Variants in OR4M1 observed in about 807,000 individuals in gnomAD.
The protein encoded by OR4M1 is olfactory receptor family 4 subfamily M member 1.
In OR4M1, 7 loss-of-function variants were observed where a neutral mutation model predicts 9.8. That is an observed-to-expected ratio of 0.71 (90% confidence interval 0.41 to 1.34). The LOEUF is 1.34. Ranked by LOEUF, OR4M1 falls within the 40% of genes most tolerant of loss-of-function variation. The pLI is 0.01. For synonymous variants in OR4M1, 121 were observed against 139.8 expected, an observed-to-expected ratio of 0.87 and a Z score of 0.95; for missense variants, 331 against 380.4, an observed-to-expected ratio of 0.87 and a Z score of 1.08.
At chr14:19,778,416 C>T (rs1323345195) in intron 1 of OR4M1, among the ~76,000 whole-genome samples, 5 of 152,188 alleles carry the variant, frequency 3.3e-5, no homozygotes, top group Non-Finnish European at 5.9e-5. Context: ...AGCATATGAT[C>T]TTGTAATGGT....
At position 19,780,308 on chromosome 14, in the gene OR4M1, G is replaced by T. The variant is rs772305429; in HGVS notation, c.-15G>T. The T allele has an allele frequency of 6.3e-7, 1 of 1,592,382 alleles. No homozygotes were observed. The highest frequency in any genetic ancestry group is 1.8e-5 in the Admixed American group (1 of 56,040). On this transcript the variant is annotated 5_prime_UTR_variant, in exon 2 of 2. Coordinates refer to ENST00000641200, the MANE Select transcript of OR4M1 (RefSeq NM_001005500.2). ...AATTTTCATAGTTATATTATGAAAA[G>T]AGTAAATTGAAGAAATGGAAACTGC...
chr14:19,779,966 G>A (rs1262532414), intron 1 of OR4M1, among the ~76,000 whole-genome samples: 1 of 152,234 alleles, frequency 6.6e-6, no homozygotes, highest in East Asian at 1.9e-4. Context: ...GCTACACTCA[G>A]AAGTAGCTTC....
intron 1 of OR4M1, among the ~76,000 whole-genome samples, chr14:19,778,661 G>GCCCT (rs367612982): frequency 1.4e-4 from 22 of 152,174 alleles, no homozygotes; most frequent in African/African-American, 5.1e-4. Flanking sequence ...ACTAGCTCAA[G>GCCCT]CCCTCATAAC....
At chr14:19,778,501 T>G (rs116276016) in intron 1 of OR4M1, among the ~76,000 whole-genome samples, 4,107 of 151,890 alleles carry the variant, frequency 0.027, 106 homozygotes, top group East Asian at 0.15. Context: ...AATAATCACT[T>G]CCATCTGGTC....
Position 19,780,785 on chromosome 14 carries a change from C to G in OR4M1, c.463C>G (p.His155Asp), listed in dbSNP as rs781072254. Residue 155 changes from histidine (H) to aspartate (D), a missense_variant, in exon 2 of 2, where the codon CAT (histidine) becomes GAT (aspartate). By Grantham distance (81) the His-to-Asp change is moderately conservative. This residue lies in a region of OR4M1 where 209 missense variants were observed against 200.0 expected (regional missense o/e 1.04). Transcript: ENST00000641200. ...TCTCTCCTGGATGGGGGGCTTCATT[C>G]ATTCTATAATACAGGTGGCTCTCAT... ...VALSWMGGFI[H>D]SIIQVALIVR... is the part of the protein sequence containing the mutation. 6.2e-7 allele frequency: 1 copy of G among 1,614,220 alleles called. No homozygotes were observed. Among genetic ancestry groups the G allele is most frequent in the South Asian group, 1.1e-5 (1 of 91,090 alleles).
chr14:19,777,208 C>T (rs1276669692), intron 1 of OR4M1, among the ~76,000 whole-genome samples: 2 of 150,920 alleles, frequency 1.3e-5, no homozygotes, highest in African/African-American at 4.8e-5. Context: ...TTATTGTGGG[C>T]TACATTACTT....
chr14:19,780,453 T>C lies in OR4M1; in HGVS notation c.131T>C (p.Leu44Pro). Residue 44 changes from leucine to proline, a missense_variant, in exon 2 of 2, where the codon CTT (leucine) becomes CCT (proline). Transcript: ENST00000641200. ...TTGTTCATCCTACCAGGAAATATCC[T>C]TATCATTTGCACCATCAGGCTAGAC... ...FYLFILPGNI[L>P]IICTIRLDPH... The C allele has an allele frequency of 6.2e-7, 1 of 1,614,170 alleles. No individual in the cohort carries two copies. The highest frequency in any genetic ancestry group is 1.1e-5 in the South Asian group (1 of 91,084).
chr14:19,779,897 A>C (rs1324326898), intron 1 of OR4M1, among the ~76,000 whole-genome samples: 3 of 152,254 alleles, frequency 2.0e-5, no homozygotes, highest in Non-Finnish European at 4.4e-5. Flanking sequence ...ATGATTTTGC[A>C]ACAAAAAATA....
chr14:19,776,933 C>T (rs1368875075), intron 1 of OR4M1, among the ~76,000 whole-genome samples: 1 of 148,120 alleles, frequency 6.8e-6, no homozygotes, highest in East Asian at 2.0e-4. Flanking sequence ...ATAAATCCTG[C>T]CAGTTGCATC....
intron 1 of OR4M1, among the ~76,000 whole-genome samples, chr14:19,777,766 G>A (rs1878354498): frequency 6.6e-6 from 1 of 152,238 alleles, no homozygotes; most frequent in Non-Finnish European, 1.5e-5. Flanking sequence ...TAAATGACAA[G>A]TGCTGGACAG....
At chr14:19,778,093 T>C (rs1566450768) in intron 1 of OR4M1, among the ~76,000 whole-genome samples, 1 of 152,230 alleles carries the variant, frequency 6.6e-6, no homozygotes. Flanking sequence ...ATAAATGTGA[T>C]TGATTTTGGT....
At chr14:19,778,912 T>C (rs1335194207) in intron 1 of OR4M1, among the ~76,000 whole-genome samples, 2 of 152,230 alleles carry the variant, frequency 1.3e-5, no homozygotes, top group African/African-American at 2.4e-5. Context: ...GGGCAATTTA[T>C]GGACATGGGG....
rs778723043 is a variant in OR4M1, at chr14:19,780,362, C to T, written c.40C>T (p.Leu14Phe). ...TTACACCAAGGTGACAGAATTTGTT[C>T]TCACTGGCCTATCCCAGACTCGGGA... Reference protein sequence around the residue: ...ANYTKVTEFVLTGLSQTREVQ... With the variant: ...ANYTKVTEFVFTGLSQTREVQ... The change falls in exon 2 of 2, where the codon CTC (leucine) becomes TTC (phenylalanine). Residue 14 changes from leucine to phenylalanine, a missense_variant. By Grantham distance (22) the Leu-to-Phe change is conservative. Around this residue, in one of 2 missense-constraint regions of OR4M1, gnomAD observed 209 missense variants for 200.0 expected, o/e 1.04. Coordinates refer to ENST00000641200, the MANE Select transcript of OR4M1 (RefSeq NM_001005500.2). The T allele has an allele frequency of 2.0e-5, 33 of 1,613,398 alleles. No individual in the cohort carries two copies. The highest frequency in any genetic ancestry group is 6.7e-5 in the Admixed American group (4 of 59,904).
chr14:19,775,805 T>A (rs567774858), intron 1 of OR4M1, among the ~76,000 whole-genome samples: 1 of 144,194 alleles, frequency 6.9e-6, no homozygotes, highest in African/African-American at 2.5e-5. Context: ...TTAAATATAA[T>A]ATAATAATAA....
In OR4M1 at chr14:19,781,784, T is replaced by C. The variant is rs112103334; in HGVS notation, c.*520T>C. On this transcript the variant is annotated 3_prime_UTR_variant, in exon 2 of 2. Coordinates refer to ENST00000641200, the MANE Select transcript of OR4M1 (RefSeq NM_001005500.2). Reference sequence around the variant, plus strand: ...CCTTTATCTCCTCTTATTTCCAGAGTTGATGGAAAATGAGGATTCATTTAT... The same window carrying C: ...CCTTTATCTCCTCTTATTTCCAGAGCTGATGGAAAATGAGGATTCATTTAT... 9.4e-3 allele frequency: 1,471 copies of C among 155,722 alleles called. No individual in the cohort carries two copies. Among genetic ancestry groups the C allele is most frequent in the African/African-American group, 0.032 (1,328 of 41,382 alleles). The allele number at this position is 155,722 out of a possible 1,614,324, so 9.6% of individuals were successfully genotyped here. A position where few individuals can be genotyped will look rare whatever the true frequency, so the allele number is the denominator to read the frequency against.
At position 19,783,488 on chromosome 14, in the gene OR4M1, G is replaced by C. The variant is rs1447292021; in HGVS notation, c.*2224G>C. The C allele has an allele frequency of 6.6e-6, 1 of 152,290 alleles. No homozygotes were observed. Among genetic ancestry groups the C allele is most frequent in the African/African-American group, 2.4e-5 (1 of 41,460 alleles). 9.4% of individuals were successfully genotyped at this position (152,290 alleles called of 1,614,324 possible). On this transcript the variant is annotated 3_prime_UTR_variant, in exon 2 of 2. Transcript: ENST00000641200. ...GACTTAAATAATGGGCAGGGATAAG[G>C]CAGGTTAGTGTAGAAGAAATAGGTG...
At chr14:19,780,251 T>C in intron 1 of OR4M1, 43 bp from the exon 2 acceptor site, 1 of 1,446,558 alleles carries the variant, frequency 6.9e-7, no homozygotes, top group Non-Finnish European at 9.4e-7. Context: ...TAACTCTAGA[T>C]AAATGCTATG....
At chr14:19,774,620 T>A (rs1304002242) in intron 1 of OR4M1, among the ~76,000 whole-genome samples, 1 of 152,244 alleles carries the variant, frequency 6.6e-6, no homozygotes, top group African/African-American at 2.4e-5. Flanking sequence ...GGAACTTATA[T>A]ATACAAAACT....
At chr14:19,775,655 A>G (rs1488814760) in intron 1 of OR4M1, among the ~76,000 whole-genome samples, 2 of 147,242 alleles carry the variant, frequency 1.4e-5, no homozygotes, top group Admixed American at 6.8e-5. Context: ...ATATACTTCA[A>G]TATATTCAAG....
Sources: allele counts gnomAD v4.1 joint callset (sites outside exome capture counted in the v4.1 genomes callset), GRCh38; gene constraint gnomAD v4.1.1; regional missense constraint gnomAD v4.1.1; transcripts MANE v1.5; gene names NCBI Gene and HGNC (gene_info 2026-07-23, HGNC 2026-07-21).